Variants in DOP1A observed in about 807,000 individuals in gnomAD.
DOP1A encodes the protein DOP1 leucine zipper like protein A.
DOP1A carries 90 observed loss-of-function variants against 267.6 expected under a neutral mutation model. The observed-to-expected ratio is 0.34, with a 90% CI of 0.28 to 0.40. The LOEUF (loss-of-function observed/expected upper bound fraction) is 0.40, where lower values mean the gene tolerates loss of function less well. Among genes scored for constraint, DOP1A ranks in the 10% least tolerant of loss-of-function variants. The pLI is 1.00. For synonymous variants in DOP1A, 932 were observed against 999.1 expected (o/e 0.93, Z 1.27); for missense variants, 2,437 against 2,900.4 (o/e 0.84, Z 3.67).
rs1244026373 is a variant in DOP1A, at chr6:83,137,130, C to T, written c.3131-43C>T. 7 of 1,463,960 alleles carry T rather than the reference C, an allele frequency of 4.8e-6. No homozygotes were observed. The East Asian group carries it at 9.3e-5, about 20-fold the overall frequency. 90.7% of individuals were successfully genotyped at this position (1,463,960 alleles called of 1,614,324 possible). On this transcript the variant is annotated intron_variant, in intron 20 of 38. Transcript: ENST00000349129. ...TTTCTACATTTCAATTATTTTAATG[C>T]ATTTTGTATTTTTCTTCTTTTACTG...
At chr6:83,119,163 G>A (rs1029807417) in intron 8 of DOP1A, among the ~76,000 whole-genome samples, 176 bp downstream of exon 8, 3 of 152,094 alleles carry the variant, frequency 2.0e-5, no homozygotes, top group Non-Finnish European at 4.4e-5. Flanking sequence ...AATTTCAGCA[G>A]CTTTATATTT....
chr6:83,149,105 G>A (rs183253366), intron 27 of DOP1A, among the ~76,000 whole-genome samples: 1 of 152,098 alleles, frequency 6.6e-6, no homozygotes, highest in East Asian at 1.9e-4. Context: ...ACATAAAACT[G>A]TTACAACAGT....
At chr6:83,123,054 A>T in intron 12 of DOP1A, 72 bp downstream of exon 12, 1 of 1,474,450 alleles carries the variant, frequency 6.8e-7, no homozygotes. Flanking sequence ...TTAAGTTGTT[A>T]CATTTAATGA....
At chr6:83,085,821 ATG>A (rs1353346409) in intron 1 of DOP1A, among the ~76,000 whole-genome samples, 2 of 151,264 alleles carry the variant, frequency 1.3e-5, no homozygotes, top group Non-Finnish European at 2.9e-5. Context: ...ATGTTATGTT[ATG>A]TTATGTTATG....
At chr6:83,169,179 C>T, downstream of DOP1A, 1 of 1,603,856 alleles carries the variant, frequency 6.2e-7, no homozygotes, top group Non-Finnish European at 8.5e-7. Context: ...TTATTATTGA[C>T]AGTTTTGTAA....
intron 1 of DOP1A, among the ~76,000 whole-genome samples, chr6:83,095,213 G>A (rs1383420869): frequency 1.3e-5 from 2 of 152,156 alleles, no homozygotes; most frequent in Admixed American, 6.5e-5. Flanking sequence ...GATTACAGGC[G>A]TGAGCCACCG....
chr6:83,145,487 A>G (rs756551101), intron 24 of DOP1A, 37 bp from the exon 25 acceptor site: 159 of 1,489,340 alleles, frequency 1.1e-4, no homozygotes, highest in Non-Finnish European at 1.2e-4. Context: ...AAAGACTTAT[A>G]TACATACATA....
intron 34 of DOP1A, among the ~76,000 whole-genome samples, chr6:83,156,877 T>A (rs916121816): frequency 5.3e-5 from 8 of 150,978 alleles, no homozygotes; most frequent in African/African-American, 2.0e-4. Flanking sequence ...CAAAGTATGG[T>A]CCATGGACCA....
chr6:83,121,935 G>A lies in DOP1A; in HGVS notation c.1105G>A (p.Val369Ile). The change falls in exon 11 of 39, where the codon GTA becomes ATA. Residue 369 changes from valine to isoleucine, a missense_variant. Val to Ile is a conservative substitution (Grantham distance 29, BLOSUM62 3). Transcript: ENST00000349129. ...AATTTGAATATTAATTTTAGGACCT[G>A]TAATTCTAGAAGATGTCCTGATTGA... is the stretch of plus-strand genomic sequence containing the variant. ...SLLDKPELGP[V>I]ILEDVLIEVF... is the part of the protein sequence containing the mutation. The A allele has an allele frequency of 8.1e-6, 13 of 1,597,534 alleles. No individual in the cohort carries two copies. Among genetic ancestry groups the A allele is most frequent in the Non-Finnish European group, 1.1e-5 (13 of 1,170,894 alleles).
At chr6:83,068,566 A>C (rs1044427505) in intron 1 of DOP1A, among the ~76,000 whole-genome samples, 7 of 152,264 alleles carry the variant, frequency 4.6e-5, no homozygotes, top group Non-Finnish European at 1.0e-4. Context: ...AGCAGTCAAA[A>C]AAAATGATAA....
At chr6:83,134,903 C>T (rs1372718915) in intron 19 of DOP1A, among the ~76,000 whole-genome samples, 1 of 152,094 alleles carries the variant, frequency 6.6e-6, no homozygotes, top group Non-Finnish European at 1.5e-5. Flanking sequence ...AAGGTCAGCT[C>T]AGGATCAGAT....
intron 6 of DOP1A, among the ~76,000 whole-genome samples, chr6:83,111,379 G>A (rs972785966): frequency 1.3e-5 from 2 of 151,238 alleles, no homozygotes; most frequent in Non-Finnish European, 2.9e-5. Context: ...CATTTATTTC[G>A]GGTATACATC....
Position 83,129,527 on chromosome 6 carries a change from T to G in DOP1A, c.2341+19T>G. ...GAGACTGGTAAGGTCATCTCAGTTT[T>G]GCTTATATTTCAGTATTGTCTGTAG... On this transcript the variant is annotated intron_variant, in intron 16 of 38. Transcript: ENST00000349129. 6.7e-7 allele frequency: 1 copy of G among 1,491,710 alleles called. No homozygotes were observed. Among genetic ancestry groups the G allele is most frequent in the East Asian group, 2.3e-5 (1 of 42,758 alleles). 92.4% of individuals were successfully genotyped at this position (1,491,710 alleles called of 1,614,324 possible).
At chr6:83,120,832 C>G (rs761356863) in intron 10 of DOP1A, 41 bp downstream of exon 10, 5 of 1,343,754 alleles carry the variant, frequency 3.7e-6, no homozygotes, top group Non-Finnish European at 5.0e-6. Context: ...ATGTGTGGTA[C>G]TTTTGTGTTA....
In DOP1A at chr6:83,135,764, A is replaced by G. The variant is rs1157624929; in HGVS notation, c.3016A>G (p.Thr1006Ala). 1 of 1,613,518 alleles carries G rather than the reference A, an allele frequency of 6.2e-7. No individual in the cohort carries two copies. Among genetic ancestry groups the G allele is most frequent in the Admixed American group, 1.7e-5 (1 of 59,962 alleles). ...GCTATTGCTCCTGCTTCATCCAAAAACTCAGAGGGTTTCAGTACAGCGTGT... is the reference window on the plus strand; with the variant it reads ...GCTATTGCTCCTGCTTCATCCAAAAGCTCAGAGGGTTTCAGTACAGCGTGT... Reference protein sequence around the residue: ...PLLLLLLHPKTQRVSVQRVQA... With the variant: ...PLLLLLLHPKAQRVSVQRVQA... Residue 1006 changes from threonine to alanine, a missense_variant, in exon 20 of 39, where the codon ACT (threonine) becomes GCT (alanine). By Grantham distance (58) the Thr-to-Ala change is moderately conservative (BLOSUM62 0). Coordinates refer to ENST00000349129, the MANE Select transcript of DOP1A (RefSeq NM_015018.4).
intron 4 of DOP1A, among the ~76,000 whole-genome samples, chr6:83,104,612 T>C (rs1773243789): frequency 6.6e-6 from 1 of 152,142 alleles, no homozygotes; most frequent in Admixed American, 6.5e-5. Flanking sequence ...AATTTATCTT[T>C]GTGGGAAGAT....
Position 83,100,888 on chromosome 6 carries a change from TA to T in DOP1A, c.320+4del. 1 of 1,492,238 alleles carries T rather than the reference TA, an allele frequency of 6.7e-7. No individual in the cohort carries two copies. Among genetic ancestry groups the T allele is most frequent in the Non-Finnish European group, 9.0e-7 (1 of 1,114,020 alleles). 92.4% of individuals were successfully genotyped at this position (1,492,238 alleles called of 1,614,324 possible). Reference sequence around the variant, plus strand: ...TGCCAAAGATCTTTTTTTATATAGGTAAGAATAATTTTACTATATATATACA... The same window carrying T: ...TGCCAAAGATCTTTTTTTATATAGGTAGAATAATTTTACTATATATATACA... On this transcript the variant is annotated splice_donor_region_variant and intron_variant, in intron 4 of 38. Coordinates refer to ENST00000349129, the MANE Select transcript of DOP1A (RefSeq NM_015018.4).
Position 83,135,866 on chromosome 6 carries a change from G to T in DOP1A, c.3118G>T (p.Ala1040Ser), listed in dbSNP as rs772403676. The T allele has an allele frequency of 6.2e-7, 1 of 1,613,306 alleles. No individual in the cohort carries two copies. The highest frequency in any genetic ancestry group is 1.1e-5 in the South Asian group (1 of 91,048). Residue 1040 changes from alanine to serine, a missense_variant, in exon 20 of 39, where the codon GCC (alanine) becomes TCC (serine). Ala to Ser is a moderately conservative substitution (Grantham distance 99, BLOSUM62 1). This residue lies in a region of DOP1A where 878 missense variants were observed against 992.9 expected (regional missense o/e 0.88). Coordinates refer to ENST00000349129, the MANE Select transcript of DOP1A (RefSeq NM_015018.4). ...TGACAAGCATTTCATGCAAAATTTT[G>T]CCTGCAGCAATGGTGAATAACACAT... ...ESDKHFMQNF[A>S]CSNVSQVQLI...
intron 32 of DOP1A, 27 bp from the exon 33 acceptor site, chr6:83,154,153 A>G: frequency 6.2e-7 from 1 of 1,608,650 alleles, no homozygotes; most frequent in Non-Finnish European, 8.5e-7. Flanking sequence ...CAACATAATT[A>G]CATGTTGTAA....
Sources: gnomAD v4.1 joint callset for allele counts (sites outside exome capture counted in the v4.1 genomes callset) on GRCh38, gnomAD v4.1.1 for gene constraint, gnomAD v4.1.1 regional missense constraint, MANE v1.5 for transcripts, NCBI Gene and HGNC (gene_info 2026-07-23, HGNC 2026-07-21) for gene names.